The following FAM120C variants were observed in gnomAD, a reference collection of about 807,000 sequenced individuals.
The protein encoded by FAM120C is constitutive coactivator of PPAR-gamma-like protein 2.
In FAM120C, 14 loss-of-function variants were observed where a neutral mutation model predicts 71.2. The ratio of observed to expected loss-of-function variants is 0.20; its 90% CI spans 0.13 to 0.31. The LOEUF (loss-of-function observed/expected upper bound fraction) is 0.31, where lower values mean the gene tolerates loss of function less well. FAM120C is among the 10% of genes least tolerant of loss of function. The pLI is 1.00. For synonymous variants in FAM120C, 354 were observed against 353.2 expected, an observed-to-expected ratio of 1.00 and a Z score of -0.03; for missense variants, 500 against 879.0, an observed-to-expected ratio of 0.57 and a Z score of 5.45.
chrX:54,113,621 C>T (rs782016562), intron 10 of FAM120C, among the ~76,000 whole-genome samples: 1 of 108,390 alleles, frequency 9.2e-6, no homozygotes, highest in East Asian at 3.0e-4. Flanking sequence ...AACAAAAATG[C>T]CTGCACCAGG....
chrX:54,089,419 T>C (rs2066812161), intron 11 of FAM120C, among the ~76,000 whole-genome samples: 1 of 111,437 alleles, frequency 9.0e-6, no homozygotes, highest in African/African-American at 3.3e-5. Flanking sequence ...GGTCCCCTCC[T>C]AGGTGTCGTT....
At chrX:54,092,296 C>A (rs782523407) in intron 10 of FAM120C, among the ~76,000 whole-genome samples, 12 of 111,008 alleles carry the variant, frequency 1.1e-4, no homozygotes, top group Non-Finnish European at 2.1e-4. Flanking sequence ...GTAATCCTAG[C>A]ACTTTGGGAG....
intron 4 of FAM120C, among the ~76,000 whole-genome samples, chrX:54,139,932 C>T (rs2067115273): frequency 9.0e-6 from 1 of 111,400 alleles, no homozygotes; most frequent in Admixed American, 9.6e-5. Flanking sequence ...TTCAGGTCCT[C>T]TAGCCTAACT....
At chrX:54,083,477 A>C (rs192046332) in intron 13 of FAM120C, among the ~76,000 whole-genome samples, 7 of 104,834 alleles carry the variant, frequency 6.7e-5, no homozygotes, top group East Asian at 3.0e-4. Context: ...ACACACACAC[A>C]CCAAAATATT....
At chrX:54,080,452 T>C (rs1249485902) in intron 14 of FAM120C, among the ~76,000 whole-genome samples, 163 bp from the exon 15 acceptor site, 3 of 112,157 alleles carry the variant, frequency 2.7e-5, no homozygotes, top group African/African-American at 9.7e-5. Context: ...TCCTATATTG[T>C]ACTGAACTGA....
intron 4 of FAM120C, among the ~76,000 whole-genome samples, chrX:54,143,773 C>A (rs922454582): frequency 8.9e-6 from 1 of 111,822 alleles, no homozygotes; most frequent in African/African-American, 3.2e-5. Context: ...TGAGACTATT[C>A]CAATCAACAG....
At chrX:54,149,842 T>C (rs781976201) in intron 4 of FAM120C, among the ~76,000 whole-genome samples, 1 of 111,917 alleles carries the variant, frequency 8.9e-6, no homozygotes, top group African/African-American at 3.2e-5. Context: ...AATACATGTG[T>C]TAAAATTCAC....
At chrX:54,086,939 G>A in intron 12 of FAM120C, among the ~76,000 whole-genome samples, 1 of 109,926 alleles carries the variant, frequency 9.1e-6, no homozygotes, top group East Asian at 2.9e-4. Context: ...CAGGAGGTGT[G>A]CTGGGTAGTC....
Position 54,133,996 on chromosome X carries a change from C to T in FAM120C, c.1667G>A (p.Arg556His), listed in dbSNP as rs141656778. 38 of 1,209,489 alleles carry T rather than the reference C, an allele frequency of 3.1e-5. 1 individual carries two copies. The highest frequency in any genetic ancestry group is 5.2e-5 in the African/African-American group (3 of 57,262). ...HHQPEWGNPN[R>H]DRGSWAQPVD... is the part of the protein sequence containing the mutation. ...AGGCTGTGCCCAGGACCCTCTGTCACGATTGGGATTTCCCCACTCAGGCTG... is the reference window on the plus strand; with the variant it reads ...AGGCTGTGCCCAGGACCCTCTGTCATGATTGGGATTTCCCCACTCAGGCTG... Residue 556 changes from arginine (R) to histidine (H), a missense_variant, in exon 8 of 16, where the codon CGT becomes CAT. By Grantham distance (29) the Arg-to-His change is conservative. This residue lies in a region of FAM120C where 85 missense variants were observed against 84.9 expected (regional missense o/e 1.00). Coordinates refer to ENST00000375180, the MANE Select transcript of FAM120C (RefSeq NM_017848.6).
intron 3 of FAM120C, among the ~76,000 whole-genome samples, chrX:54,155,181 G>A (rs1206778262): frequency 9.0e-6 from 1 of 111,510 alleles, no homozygotes; most frequent in African/African-American, 3.3e-5. Context: ...TCTAGGCTGG[G>A]CAACAGAATG....
chrX:54,116,521 C>T (rs1229834235), intron 10 of FAM120C, 24 bp downstream of exon 10: 19 of 1,193,309 alleles, frequency 1.6e-5, no homozygotes, highest in African/African-American at 7.0e-5. Context: ...AAAGAACAGG[C>T]CACCTGCCTG....
At chrX:54,176,788 G>A (rs2067320927) in intron 1 of FAM120C, among the ~76,000 whole-genome samples, 2 of 111,687 alleles carry the variant, frequency 1.8e-5, no homozygotes, top group Admixed American at 9.5e-5. Context: ...TCTCTCTCAC[G>A]GCAAACATTA....
chrX:54,073,586 C>A (rs2066721424), intron 15 of FAM120C, among the ~76,000 whole-genome samples: 1 of 110,138 alleles, frequency 9.1e-6, no homozygotes, highest in Non-Finnish European at 1.9e-5. Context: ...CGCCCACCAC[C>A]ATGCCTAGCT....
chrX:54,129,803 C>T (rs1238793775), intron 9 of FAM120C, among the ~76,000 whole-genome samples: 6 of 112,037 alleles, frequency 5.4e-5, no homozygotes, highest in South Asian at 3.6e-4. Flanking sequence ...GGATCACTTG[C>T]GGTTAGGAGC....
rs1303599187 is a variant in FAM120C, at chrX:54,157,637, A to G, written c.1029+52T>C. 4 of 887,933 alleles carry G rather than the reference A, an allele frequency of 4.5e-6. No homozygotes were observed. In the African/African-American group the frequency reaches 6.0e-5, roughly 13 times the overall value. 73.2% of individuals were successfully genotyped at this position (887,933 alleles called of 1,213,427 possible). A position where few individuals can be genotyped will look rare whatever the true frequency, so the allele number is the denominator to read the frequency against. ...AGATAATTATTCCATCAAAACTCCA[A>G]TCAAAACCTCATATCCCCTAATCTG... is the stretch of plus-strand genomic sequence containing the variant. On this transcript the variant is annotated intron_variant, in intron 3 of 15. Coordinates refer to ENST00000375180, the MANE Select transcript of FAM120C (RefSeq NM_017848.6).
chrX:54,154,798 G>C (rs1277930531), intron 3 of FAM120C, among the ~76,000 whole-genome samples: 1 of 111,113 alleles, frequency 9.0e-6, no homozygotes, highest in Non-Finnish European at 1.9e-5. Flanking sequence ...TTAAAATCTG[G>C]AGTTCAAAGG....
chrX:54,152,198 C>T (rs2067187625), intron 3 of FAM120C, among the ~76,000 whole-genome samples: 1 of 109,325 alleles, frequency 9.1e-6, no homozygotes, highest in Non-Finnish European at 1.9e-5. Flanking sequence ...AAAATATTCC[C>T]ACTCTGAGAT....
intron 13 of FAM120C, among the ~76,000 whole-genome samples, chrX:54,083,786 T>C (rs1014171960): frequency 2.7e-5 from 3 of 111,292 alleles, no homozygotes; most frequent in Non-Finnish European, 5.7e-5. Flanking sequence ...GGCTCGATCT[T>C]GGCTCACTGC....
At chrX:54,175,572 G>A (rs1339042547) in intron 1 of FAM120C, among the ~76,000 whole-genome samples, 1 of 109,874 alleles carries the variant, frequency 9.1e-6, no homozygotes, top group Non-Finnish European at 1.9e-5. Context: ...GCATTGGTGC[G>A]ATCTCAGCTC....
Sources: gnomAD v4.1 joint callset for allele counts (sites outside exome capture counted in the v4.1 genomes callset) on GRCh38, gnomAD v4.1.1 for gene constraint, gnomAD v4.1.1 regional missense constraint, MANE v1.5 for transcripts, NCBI Gene and HGNC (gene_info 2026-07-23, HGNC 2026-07-21) for gene names.